Variants in UBE3D observed in about 807,000 individuals in gnomAD.
UBE3D encodes ubiquitin protein ligase E3D.
Under a neutral mutation model 49.6 loss-of-function variants are expected in UBE3D, and 48 were observed. The ratio of observed to expected loss-of-function variants is 0.97; its 90% CI spans 0.77 to 1.23. The LOEUF (loss-of-function observed/expected upper bound fraction) is 1.23. UBE3D is among the 50% of genes most tolerant of loss of function. The pLI is 0.00. For synonymous variants in UBE3D, 189 were observed against 174.2 expected, an observed-to-expected ratio of 1.08 and a Z score of -0.67; for missense variants, 452 against 468.4, an observed-to-expected ratio of 0.96 and a Z score of 0.32.
intron 8 of UBE3D, among the ~76,000 whole-genome samples, chr6:82,963,924 G>T (rs1198344909): frequency 6.6e-6 from 1 of 152,118 alleles, no homozygotes; most frequent in East Asian, 1.9e-4. Flanking sequence ...CAGACTATTG[G>T]ACCTAAATCA....
chr6:82,921,073 A>T (rs1348878759), intron 9 of UBE3D, among the ~76,000 whole-genome samples: 1 of 151,158 alleles, frequency 6.6e-6, no homozygotes, highest in African/African-American at 2.4e-5. Context: ...CTCCCATCTC[A>T]GCCTCCCAAG....
intron 7 of UBE3D, among the ~76,000 whole-genome samples, chr6:83,021,634 A>C (rs941793063): frequency 1.3e-5 from 2 of 151,818 alleles, no homozygotes; most frequent in African/African-American, 4.8e-5. Flanking sequence ...TGGGAGGCCG[A>C]GGTGGGTGGA....
intron 9 of UBE3D, among the ~76,000 whole-genome samples, chr6:82,926,517 C>T (rs1197912662): frequency 3.3e-5 from 5 of 152,060 alleles, no homozygotes; most frequent in African/African-American, 1.2e-4. Flanking sequence ...AAATTGCCAA[C>T]GTGTTTTCTA....
At chr6:82,990,716 C>T (rs1364834469) in intron 8 of UBE3D, among the ~76,000 whole-genome samples, 1 of 152,132 alleles carries the variant, frequency 6.6e-6, no homozygotes, top group Non-Finnish European at 1.5e-5. Context: ...TTAACTATTC[C>T]TCTACCTGCT....
chr6:82,976,751 CAG>C (rs1214742333), intron 8 of UBE3D, among the ~76,000 whole-genome samples: 1 of 152,174 alleles, frequency 6.6e-6, no homozygotes, highest in Non-Finnish European at 1.5e-5. Context: ...GGCAGTAACT[CAG>C]AGTCTCCAGG....
At chr6:82,966,810 G>T (rs904913378) in intron 8 of UBE3D, among the ~76,000 whole-genome samples, 2 of 152,130 alleles carry the variant, frequency 1.3e-5, no homozygotes, top group African/African-American at 4.8e-5. Context: ...TTCTTATCAA[G>T]ACAGATGGAT....
chr6:82,944,780 C>A (rs1036484293), intron 9 of UBE3D, among the ~76,000 whole-genome samples: 1 of 152,160 alleles, frequency 6.6e-6, no homozygotes, highest in Non-Finnish European at 1.5e-5. Flanking sequence ...CACAAGTTGA[C>A]TGAAGTGCCC....
At chr6:83,063,598 A>G (rs999823801) in intron 1 of UBE3D, among the ~76,000 whole-genome samples, 6 of 152,162 alleles carry the variant, frequency 3.9e-5, no homozygotes, top group Non-Finnish European at 7.4e-5. Context: ...ACTTTTAAAA[A>G]GAACATATAT....
chr6:83,018,888 C>T lies in UBE3D; in HGVS notation c.1010+85G>A. On this transcript the variant is annotated intron_variant, in intron 8 of 9. Transcript: ENST00000369747. ...TTCAAGTAGGGAAATGGTATAGTGG[C>T]ATTTAATTCATTAATTTCTTAACAC... is the stretch of plus-strand genomic sequence containing the variant. 4 of 1,481,050 alleles carry T rather than the reference C, an allele frequency of 2.7e-6. No individual in the cohort carries two copies. The South Asian group carries it at 3.6e-5, about 13-fold the overall frequency. The allele number at this position is 1,481,050 out of a possible 1,614,324, so 91.7% of individuals were successfully genotyped here.
At chr6:82,999,710 A>G (rs974561151) in intron 8 of UBE3D, among the ~76,000 whole-genome samples, 5 of 152,016 alleles carry the variant, frequency 3.3e-5, no homozygotes, top group African/African-American at 1.2e-4. Context: ...AATGGACTCA[A>G]GTCAGTCTAA....
At chr6:82,905,794 G>A (rs1772058111) in intron 9 of UBE3D, among the ~76,000 whole-genome samples, 1 of 152,030 alleles carries the variant, frequency 6.6e-6, no homozygotes, top group Non-Finnish European at 1.5e-5. Flanking sequence ...ACCCTTAACA[G>A]TAACAATCTG....
intron 9 of UBE3D, among the ~76,000 whole-genome samples, chr6:82,909,644 A>C (rs1222787567): frequency 6.6e-6 from 1 of 152,312 alleles, no homozygotes; most frequent in African/African-American, 2.4e-5. Context: ...TGGGTGGGGC[A>C]AATTAGAACT....
chr6:82,901,284 T>C (rs1240966787), intron 9 of UBE3D, among the ~76,000 whole-genome samples: 1 of 149,598 alleles, frequency 6.7e-6, no homozygotes. Flanking sequence ...AAAGAGTAAG[T>C]GCATAACTTA....
At chr6:82,887,789 A>C (rs894804497), downstream of UBE3D, among the ~76,000 whole-genome samples, 1 of 152,144 alleles carries the variant, frequency 6.6e-6, no homozygotes, top group African/African-American at 2.4e-5. Flanking sequence ...GGAACTTAAA[A>C]CTAATGATGA....
chr6:82,920,855 G>A (rs1352379074), intron 9 of UBE3D, among the ~76,000 whole-genome samples: 1 of 133,798 alleles, frequency 7.5e-6, no homozygotes, highest in Non-Finnish European at 1.7e-5. Context: ...AAACAAAAAA[G>A]GAAGAAAAGA....
At chr6:83,036,801 AT>A (rs1314929264) in intron 5 of UBE3D, 1 of 151,446 alleles carries the variant, frequency 6.6e-6, no homozygotes, top group African/African-American at 2.4e-5. Context: ...AGGTGCAATA[AT>A]AGTGCACCAC....
chr6:83,031,016 C>T (rs1781827379), intron 5 of UBE3D, among the ~76,000 whole-genome samples: 1 of 150,782 alleles, frequency 6.6e-6, no homozygotes. Flanking sequence ...AAATTTCTTC[C>T]TTTTTTTTTG....
intron 8 of UBE3D, among the ~76,000 whole-genome samples, chr6:82,985,677 T>C (rs919193888): frequency 6.6e-6 from 1 of 152,192 alleles, no homozygotes; most frequent in Non-Finnish European, 1.5e-5. Context: ...GTTTTCTTTT[T>C]AAACCTCTGA....
At chr6:82,967,272 T>G (rs1472804957) in intron 8 of UBE3D, among the ~76,000 whole-genome samples, 2 of 152,234 alleles carry the variant, frequency 1.3e-5, no homozygotes, top group Non-Finnish European at 2.9e-5. Context: ...AACATTGATA[T>G]AATTCACCAA....
Sources: allele counts gnomAD v4.1 joint callset (sites outside exome capture counted in the v4.1 genomes callset), GRCh38; gene constraint gnomAD v4.1.1; transcripts MANE v1.5; gene names NCBI Gene and HGNC (gene_info 2026-07-23, HGNC 2026-07-21).